The following LRRC74A variants were observed in gnomAD, a reference collection of about 807,000 sequenced individuals.
LRRC74A encodes leucine-rich repeat-containing protein 74A.
Under a neutral mutation model 57.9 loss-of-function variants are expected in LRRC74A, and 44 were observed. The ratio of observed to expected loss-of-function variants is 0.76; its 90% confidence interval spans 0.60 to 0.98. LRRC74A has a LOEUF of 0.98. Ranked by LOEUF, LRRC74A falls within the 50% of genes least tolerant of loss-of-function variation. The pLI, the probability that LRRC74A is intolerant of heterozygous loss-of-function variation, is 0.00. For missense variants in LRRC74A, 572 were observed against 574.0 expected, an observed-to-expected ratio of 1.00 and a Z score of 0.04; for synonymous variants, 211 against 219.4, an observed-to-expected ratio of 0.96 and a Z score of 0.34.
chr14:76,851,990 T>C (rs1441872479), intron 7 of LRRC74A, among the ~76,000 whole-genome samples: 3 of 152,118 alleles, frequency 2.0e-5, no homozygotes, highest in Non-Finnish European at 4.4e-5. Flanking sequence ...AATGATGCCA[T>C]GGTAAACATC....
At chr14:76,860,380 A>G (rs1020145340) in intron 10 of LRRC74A, among the ~76,000 whole-genome samples, 1 of 152,202 alleles carries the variant, frequency 6.6e-6, no homozygotes, top group East Asian at 1.9e-4. Context: ...TTTAAGGACT[A>G]TCTTGCCACT....
At chr14:76,864,037 A>G (rs1898546024) in intron 11 of LRRC74A, among the ~76,000 whole-genome samples, 1 of 152,242 alleles carries the variant, frequency 6.6e-6, no homozygotes, top group Non-Finnish European at 1.5e-5. Context: ...TGTCGCTTTC[A>G]GCTTTCCAGG....
chr14:76,848,635 T>C (rs1897254575), intron 7 of LRRC74A, among the ~76,000 whole-genome samples: 1 of 152,104 alleles, frequency 6.6e-6, no homozygotes, highest in South Asian at 2.1e-4. Flanking sequence ...GAAGTTCTGC[T>C]GGGAAGGTTG....
intron 4 of LRRC74A, among the ~76,000 whole-genome samples, chr14:76,836,525 C>G (rs1009608438): frequency 6.6e-6 from 1 of 152,150 alleles, no homozygotes; most frequent in African/African-American, 2.4e-5. Context: ...TATGGCTGGG[C>G]GCGGTGGCTC....
intron 7 of LRRC74A, 111 bp from the exon 8 acceptor site, chr14:76,852,253 CT>C (rs2140294657): frequency 1.5e-6 from 1 of 676,770 alleles, no homozygotes; most frequent in South Asian, 2.3e-5. Context: ...GAGAATTTTA[CT>C]TGCATGACCA....
chr14:76,832,551 A>G (rs1055424849), intron 3 of LRRC74A, among the ~76,000 whole-genome samples: 2 of 152,162 alleles, frequency 1.3e-5, no homozygotes, highest in Admixed American at 1.3e-4. Context: ...CAGGTGATCC[A>G]CCCACCTCAG....
At chr14:76,831,056 G>T in intron 2 of LRRC74A, 147 bp from the exon 3 acceptor site, 1 of 736,400 alleles carries the variant, frequency 1.4e-6, no homozygotes, top group Non-Finnish European at 2.2e-6. Flanking sequence ...TGACTTCCCA[G>T]ACAGGAGCAG....
intron 12 of LRRC74A, among the ~76,000 whole-genome samples, 182 bp from the exon 13 acceptor site, chr14:76,867,165 GTGTGTGGTA>G: frequency 2.2e-4 from 1 of 4,522 alleles, no homozygotes; most frequent in Non-Finnish European, 9.8e-4. Flanking sequence ...TGGGGGTGGG[GTGTGTGGTA>G]GTGTGTGTGG....
At chr14:76,836,134 C>A in intron 3 of LRRC74A, 73 bp from the exon 4 acceptor site, 1 of 1,110,468 alleles carries the variant, frequency 9.0e-7, no homozygotes, top group Non-Finnish European at 1.3e-6. Flanking sequence ...ATGGCTGGCC[C>A]AGGGCGAGCA....
chr14:76,866,145 G>T, intron 12 of LRRC74A, 70 bp downstream of exon 12: 1 of 1,199,744 alleles, frequency 8.3e-7, no homozygotes. Context: ...AGAGAGAGGG[G>T]AGAGGAGGAG....
chr14:76,856,859 G>C (rs1195756400), intron 9 of LRRC74A, among the ~76,000 whole-genome samples: 6 of 151,080 alleles, frequency 4.0e-5, no homozygotes, highest in African/African-American at 1.2e-4. Flanking sequence ...AGATGGACAG[G>C]TGGATGAATA....
intron 5 of LRRC74A, among the ~76,000 whole-genome samples, chr14:76,840,600 T>C (rs1480992068): frequency 6.6e-6 from 1 of 150,788 alleles, no homozygotes; most frequent in Admixed American, 6.6e-5. Flanking sequence ...TTTTTTTTTT[T>C]TTGAGACGGA....
chr14:76,828,519 C>G, intron 2 of LRRC74A, 100 bp downstream of exon 2: 5 of 1,553,568 alleles, frequency 3.2e-6, no homozygotes, highest in Non-Finnish European at 3.5e-6. Flanking sequence ...CCAGAGTCTG[C>G]CCTGCGGATG....
chr14:76,828,392 A>G lies in LRRC74A; in HGVS notation c.139A>G (p.Asn47Asp). 1 of 1,613,948 alleles carries G rather than the reference A, an allele frequency of 6.2e-7. No homozygotes were observed. The highest frequency in any genetic ancestry group is 8.5e-7 in the Non-Finnish European group (1 of 1,179,868). ...TGAAAAAGTGAAACCAGCCCGGGAG[A>G]ATTCGGAAACAGACCTGGAGATTGA... ...TVEKVKPARE[N>D]SETDLEIEDD... The change falls in exon 2 of 14, where the codon AAT becomes GAT. Residue 47 changes from asparagine to aspartate, a missense_variant. By Grantham distance (23) the Asn-to-Asp change is conservative. Coordinates refer to ENST00000689127, the MANE Select transcript of LRRC74A (RefSeq NM_001385106.1).
intron 4 of LRRC74A, among the ~76,000 whole-genome samples, chr14:76,836,681 C>T (rs914266023): frequency 1.1e-4 from 16 of 149,288 alleles, no homozygotes; most frequent in Admixed American, 6.8e-4. Context: ...ATCCCAGCTA[C>T]TTAGGAGGCT....
chr14:76,840,457 C>T (rs1896674450), intron 5 of LRRC74A, among the ~76,000 whole-genome samples: 1 of 152,062 alleles, frequency 6.6e-6, no homozygotes, highest in Non-Finnish European at 1.5e-5. Flanking sequence ...CCAGCATCAT[C>T]AATGTAATAA....
chr14:76,838,028 G>A, intron 5 of LRRC74A, 57 bp downstream of exon 5: 2 of 1,119,478 alleles, frequency 1.8e-6, no homozygotes, highest in Non-Finnish European at 2.6e-6. Flanking sequence ...GGGAAGAGGG[G>A]AAAAACAGAG....
At position 76,853,176 on chromosome 14, in the gene LRRC74A, G is replaced by A. The variant is rs567533195; in HGVS notation, c.763-40G>A. The stretch of plus-strand genomic sequence containing the variant: ...ACCCTTTTGGTTGGATGAGTCACGC[G>A]TAACCTTGATGCTGGTGCTGTTCTC... On this transcript the variant is annotated intron_variant, in intron 8 of 13. Transcript: ENST00000689127. 1.6e-4 allele frequency: 247 copies of A among 1,553,888 alleles called. No homozygotes were observed. In the South Asian group the frequency reaches 2.3e-3, roughly 14 times the overall value.
intron 8 of LRRC74A, 21 bp from the exon 9 acceptor site, chr14:76,853,195 T>C: frequency 6.3e-7 from 1 of 1,582,924 alleles, no homozygotes; most frequent in South Asian, 1.1e-5. Context: ...ATGCTGGTGC[T>C]GTTCTCCCCT....
Sources: allele counts gnomAD v4.1 joint callset (sites outside exome capture counted in the v4.1 genomes callset), GRCh38; gene constraint gnomAD v4.1.1; transcripts MANE v1.5; gene names NCBI Gene and HGNC (gene_info 2026-07-23, HGNC 2026-07-21).